PTPN5: variants seen among roughly 807,000 people sequenced by gnomAD.
PTPN5 encodes the protein protein tyrosine phosphatase non-receptor type 5, also known as tyrosine-protein phosphatase non-receptor type 5.
A neutral mutation model predicts 73.9 loss-of-function variants in PTPN5; 29 were observed. The observed-to-expected ratio is 0.39, with a 90% CI of 0.29 to 0.54. The LOEUF (loss-of-function observed/expected upper bound fraction) is 0.54. PTPN5 is among the 20% of genes least tolerant of loss of function. PTPN5 has a pLI of 0.65. For missense variants in PTPN5, 652 were observed against 751.4 expected, an observed-to-expected ratio of 0.87 and a Z score of 1.55; for synonymous variants, 267 against 304.7, an observed-to-expected ratio of 0.88 and a Z score of 1.29.
At chr11:18,782,347 C>T (rs944611422) in intron 1 of PTPN5, among the ~76,000 whole-genome samples, 2 of 152,010 alleles carry the variant, frequency 1.3e-5, no homozygotes, top group East Asian at 1.9e-4. Flanking sequence ...CCTGCCTCAG[C>T]CTCCCGAGTA....
chr11:18,753,727 C>A (rs928761706), intron 3 of PTPN5, among the ~76,000 whole-genome samples: 1 of 152,158 alleles, frequency 6.6e-6, no homozygotes, highest in Non-Finnish European at 1.5e-5. Flanking sequence ...AGTGTTCTCT[C>A]CTGTGCTATG....
chr11:18,746,549 T>C (rs567948765), intron 3 of PTPN5, among the ~76,000 whole-genome samples: 1 of 148,694 alleles, frequency 6.7e-6, no homozygotes, highest in East Asian at 2.1e-4. Flanking sequence ...GTTCAGCATT[T>C]AGTAAGTACC....
chr11:18,782,587 G>T (rs929892366), intron 1 of PTPN5, among the ~76,000 whole-genome samples: 1 of 152,138 alleles, frequency 6.6e-6, no homozygotes, highest in African/African-American at 2.4e-5. Context: ...CTTATATGAC[G>T]ATTAGGAACA....
Position 18,729,921 on chromosome 11 carries a change from G to A in PTPN5, c.1330-103C>T. On this transcript the variant is annotated intron_variant, in intron 12 of 14. Coordinates refer to ENST00000358540, the MANE Select transcript of PTPN5 (RefSeq NM_006906.2). The surrounding 1 kb of genome is among the most constrained non-coding windows in gnomAD (Gnocchi z 5.2). ...GATGGAAGGAGGAAGAACACAGGAA[G>A]AACACTGAGAGTGGGACCCCTTCAC... 6.8e-7 allele frequency: 1 copy of A among 1,464,362 alleles called. No homozygotes were observed. 90.7% of individuals were successfully genotyped at this position (1,464,362 alleles called of 1,614,324 possible). A position where few individuals can be genotyped will look rare whatever the true frequency, so the allele number is the denominator to read the frequency against.
At chr11:18,761,963 TGCATGTGCATCGGGGA>T (rs1164865812) in intron 3 of PTPN5, among the ~76,000 whole-genome samples, 1 of 152,044 alleles carries the variant, frequency 6.6e-6, no homozygotes, top group Non-Finnish European at 1.5e-5. Context: ...CGTGGGAACA[TGCATGTGCATCGGGGA>T]GCATGTGGCT....
At chr11:18,771,904 C>A in intron 2 of PTPN5, 35 bp downstream of exon 2, 1 of 1,592,602 alleles carries the variant, frequency 6.3e-7, no homozygotes, top group East Asian at 2.3e-5. Context: ...CCTCAGTGGG[C>A]GGGTTGCAGG....
chr11:18,772,312 G>A (rs1850941081), intron 1 of PTPN5, among the ~76,000 whole-genome samples: 1 of 152,190 alleles, frequency 6.6e-6, no homozygotes, highest in Admixed American at 6.5e-5. Context: ...GTCCTCTTCT[G>A]TTGCTGGCAA....
At chr11:18,765,334 C>CA (rs1359383367) in intron 3 of PTPN5, among the ~76,000 whole-genome samples, 2 of 152,106 alleles carry the variant, frequency 1.3e-5, no homozygotes, top group Admixed American at 1.3e-4. Flanking sequence ...TGGCTCCCTG[C>CA]AACTGTGGTC....
chr11:18,770,357 TG>T (rs1399196590), intron 2 of PTPN5, among the ~76,000 whole-genome samples: 1 of 152,224 alleles, frequency 6.6e-6, no homozygotes, highest in Admixed American at 6.5e-5. Context: ...TCTATGGGTT[TG>T]CCTATTCTGG....
chr11:18,756,810 G>A (rs1850163228), intron 3 of PTPN5, among the ~76,000 whole-genome samples: 1 of 151,650 alleles, frequency 6.6e-6, no homozygotes, highest in Non-Finnish European at 1.5e-5. Context: ...TGTAATCCCA[G>A]CTACTCGGGA....
chr11:18,786,189 T>C (rs1412144123), intron 1 of PTPN5, among the ~76,000 whole-genome samples: 1 of 132,426 alleles, frequency 7.6e-6, no homozygotes, highest in African/African-American at 2.8e-5. Flanking sequence ...TGTTAAAGAA[T>C]GGGGGGAATC....
Position 18,765,995 on chromosome 11 carries a change from C to A in PTPN5, c.21-112G>T, listed in dbSNP as rs150217757. On this transcript the variant is annotated intron_variant, in intron 2 of 14. Coordinates refer to ENST00000358540, the MANE Select transcript of PTPN5 (RefSeq NM_006906.2). ...CTGTATTCTGTATCCCTTTGAATAA[C>A]CCCACCCCATCAAAGGGACCTGAGG... is the stretch of plus-strand genomic sequence containing the variant. 5.4e-3 allele frequency: 4,337 copies of A among 804,982 alleles called. 24 individuals carry two copies. The highest frequency in any genetic ancestry group is 6.5e-3 in the Non-Finnish European group (3,082 of 476,046). 49.9% of individuals were successfully genotyped at this position (804,982 alleles called of 1,614,324 possible).
At chr11:18,732,010 C>G (rs1848898669) in intron 12 of PTPN5, among the ~76,000 whole-genome samples, 1 of 152,214 alleles carries the variant, frequency 6.6e-6, no homozygotes. Context: ...GGAAGCACAA[C>G]TTCAGGGTGG....
intron 1 of PTPN5, among the ~76,000 whole-genome samples, chr11:18,790,191 G>T (rs1455190519): frequency 6.6e-6 from 1 of 151,950 alleles, no homozygotes; most frequent in Non-Finnish European, 1.5e-5. Context: ...ACCCGAACCT[G>T]GTGTGATTGT....
At chr11:18,743,913 T>A in intron 4 of PTPN5, 93 bp downstream of exon 4, 3 of 1,433,604 alleles carry the variant, frequency 2.1e-6, no homozygotes, top group Non-Finnish European at 2.8e-6. Context: ...CTTATCCTCC[T>A]GCCTTCCAGG....
At chr11:18,737,719 C>A (rs981957752) in intron 9 of PTPN5, among the ~76,000 whole-genome samples, 161 bp downstream of exon 9, 1 of 152,148 alleles carries the variant, frequency 6.6e-6, no homozygotes, top group African/African-American at 2.4e-5. Flanking sequence ...TCTGGCCTCA[C>A]CAGGGCAGCG....
intron 3 of PTPN5, among the ~76,000 whole-genome samples, chr11:18,746,182 T>C (rs1462577513): frequency 1.7e-4 from 19 of 113,862 alleles, no homozygotes; most frequent in Non-Finnish European, 3.2e-4. Context: ...TATATATATA[T>C]ATATATATAT....
Position 18,729,383 on chromosome 11 carries a change from T to G in PTPN5, c.1604+70A>C. The G allele has an allele frequency of 1.3e-6, 1 of 770,718 alleles. No individual in the cohort carries two copies. The highest frequency in any genetic ancestry group is 2.5e-5 in the East Asian group (1 of 40,084). The allele number at this position is 770,718 out of a possible 1,614,324, so 47.7% of individuals were successfully genotyped here. Reference sequence around the variant, plus strand: ...CCCTCACCCCCCGCCCATGCACATGTGGGTCTCTCCCTCTACCCGCTCGGG... The same window carrying G: ...CCCTCACCCCCCGCCCATGCACATGGGGGTCTCTCCCTCTACCCGCTCGGG... On this transcript the variant is annotated intron_variant, in intron 14 of 14. Transcript: ENST00000358540. This position sits in a 1 kb window ranked among gnomAD's most constrained non-coding sequence, Gnocchi z 5.2.
In PTPN5 at chr11:18,733,339, T is replaced by C; in HGVS notation, c.1114A>G (p.Thr372Ala). 1.2e-6 allele frequency: 2 copies of C among 1,614,028 alleles called. No homozygotes were observed. Among genetic ancestry groups the C allele is most frequent in the Non-Finnish European group, 1.7e-6 (2 of 1,179,958 alleles). Residue 372 changes from threonine (T) to alanine (A), a missense_variant, in exon 11 of 15, where the codon ACT becomes GCT. Physicochemically the swap from Thr to Ala is moderately conservative, Grantham distance 58. This residue lies in a region of PTPN5 where 529 missense variants were observed against 573.9 expected (regional missense o/e 0.92). Coordinates refer to ENST00000358540, the MANE Select transcript of PTPN5 (RefSeq NM_006906.2). The surrounding 1 kb of genome is among the most constrained non-coding windows in gnomAD (Gnocchi z 4.3). ...YGGEEKVYIA[T>A]QGPIVSTVAD... is the part of the protein sequence containing the mutation. ...ACCGTGCTGACGATGGGTCCCTGAG[T>C]GGCGATGTACACCTTCTCCTCCCCA... is the stretch of plus-strand genomic sequence containing the variant.
Sources: gnomAD v4.1 joint callset for allele counts (sites outside exome capture counted in the v4.1 genomes callset) on GRCh38, gnomAD v4.1.1 for gene constraint, gnomAD v4.1.1 regional missense constraint, Gnocchi (gnomAD v3.1) non-coding constraint, MANE v1.5 for transcripts, NCBI Gene and HGNC (gene_info 2026-07-23, HGNC 2026-07-21) for gene names.